Variants in ZNF273 observed in about 807,000 individuals in gnomAD.
ZNF273 encodes zinc finger protein 9.
Under a neutral mutation model 14.9 loss-of-function variants are expected in ZNF273, and 11 were observed. The ratio of observed to expected loss-of-function variants is 0.74; its 90% CI spans 0.46 to 1.22. The LOEUF (loss-of-function observed/expected upper bound fraction) is 1.22, where lower values mean the gene tolerates loss of function less well. Ranked by LOEUF, ZNF273 falls within the 50% of genes most tolerant of loss-of-function variation. ZNF273 has a pLI of 0.00. For missense variants in ZNF273, 577 were observed against 660.6 expected, an observed-to-expected ratio of 0.87 and a Z score of 1.39; for synonymous variants, 199 against 223.9, an observed-to-expected ratio of 0.89 and a Z score of 0.99.
At chr7:64,901,178 T>C (rs1218635685), upstream of ZNF273, among the ~76,000 whole-genome samples, 1 of 152,100 alleles carries the variant, frequency 6.6e-6, no homozygotes, top group African/African-American at 2.4e-5. Context: ...AATTTTTGTA[T>C]TTTTAGTAGA....
downstream of ZNF273, chr7:64,880,066 G>C (rs1269201266): frequency 6.6e-6 from 1 of 152,320 alleles, no homozygotes; most frequent in Non-Finnish European, 1.5e-5. Flanking sequence ...GCGCGGGCTC[G>C]AGTCACAGTG....
upstream of ZNF273, chr7:64,903,146 T>C: frequency 1.8e-6 from 1 of 550,770 alleles, no homozygotes; most frequent in South Asian, 2.1e-5. Flanking sequence ...GCACACCTTC[T>C]GTCATTCAGG....
intron 2 of ZNF273, 89 bp from the exon 3 acceptor site, chr7:64,918,108 C>T (rs1794141197): frequency 1.7e-6 from 2 of 1,205,136 alleles, no homozygotes; most frequent in Non-Finnish European, 2.2e-6. Context: ...TACTAGAATA[C>T]TTAATTACAT....
chr7:64,903,432 G>A lies in ZNF273; in HGVS notation c.102+13G>A. On this transcript the variant is annotated intron_variant, in intron 1 of 3. Transcript: ENST00000476120. ...AAGCCTAGAAATGGTGAGAGTGCCG[G>A]GTCCCAGATCCCGAGAGAGGGGGAG... The A allele has an allele frequency of 6.2e-7, 1 of 1,605,906 alleles. No individual in the cohort carries two copies. Among genetic ancestry groups the A allele is most frequent in the Middle Eastern group, 1.7e-4 (1 of 6,022 alleles).
chr7:64,907,966 C>T (rs548923269), intron 1 of ZNF273, among the ~76,000 whole-genome samples: 3 of 152,202 alleles, frequency 2.0e-5, no homozygotes, highest in Non-Finnish European at 4.4e-5. Flanking sequence ...GTGTCCACAC[C>T]CCTCCCAGGA....
At chr7:64,886,494 G>A (rs1372314363) in intron 1 of ZNF273, among the ~76,000 whole-genome samples, 3 of 152,174 alleles carry the variant, frequency 2.0e-5, no homozygotes, top group African/African-American at 7.2e-5. Flanking sequence ...ACTGACCATC[G>A]CTACATGTTT....
At chr7:64,921,717 C>T (rs979703511) in intron 3 of ZNF273, among the ~76,000 whole-genome samples, 3 of 142,802 alleles carry the variant, frequency 2.1e-5, no homozygotes, top group Admixed American at 7.6e-5. Flanking sequence ...TCTCCGCCTC[C>T]CAGGTTCAAG....
intron 1 of ZNF273, among the ~76,000 whole-genome samples, chr7:64,916,552 A>G (rs554353700): frequency 1.3e-5 from 2 of 150,992 alleles, no homozygotes; most frequent in African/African-American, 2.4e-5. Flanking sequence ...CAAAAAAAAA[A>G]AAAAAAAAAA....
At chr7:64,888,758 A>G in exon 2 of ZNF273, 1 of 985,834 alleles carries the variant, frequency 1.0e-6, no homozygotes, top group Non-Finnish European at 1.2e-6. Context: ...GCAGAGCCGG[A>G]TAGAAACGCT....
At chr7:64,914,182 ATTTTTTT>A (rs375695781) in intron 1 of ZNF273, among the ~76,000 whole-genome samples, 2 of 70,890 alleles carry the variant, frequency 2.8e-5, no homozygotes, top group Non-Finnish European at 5.2e-5. Flanking sequence ...TAATTTTTGT[ATTTTTTT>A]TTTTTTTTTT....
chr7:64,933,051 A>G (rs1795025233), downstream of ZNF273, among the ~76,000 whole-genome samples: 3 of 152,144 alleles, frequency 2.0e-5, no homozygotes. Context: ...GGCTCACTGC[A>G]ACCTTCGCCT....
intron 1 of ZNF273, chr7:64,917,183 TAAC>T: frequency 2.0e-6 from 2 of 1,020,258 alleles, no homozygotes; most frequent in Non-Finnish European, 2.6e-6. Flanking sequence ...AAAATCTGCA[TAAC>T]AAGATCTCCA....
chr7:64,887,500 T>C (rs1791662761), intron 1 of ZNF273, among the ~76,000 whole-genome samples: 1 of 151,328 alleles, frequency 6.6e-6, no homozygotes, highest in African/African-American at 2.5e-5. Flanking sequence ...GTTTTTGTTG[T>C]TGTTTGTTTG....
intron 3 of ZNF273, among the ~76,000 whole-genome samples, chr7:64,925,870 G>C (rs1314686180): frequency 7.3e-6 from 1 of 136,176 alleles, no homozygotes; most frequent in Non-Finnish European, 1.6e-5. Context: ...AAGTTCTAGA[G>C]AATAATTAAA....
intron 3 of ZNF273, among the ~76,000 whole-genome samples, chr7:64,919,437 G>GTTCGAGACCAGTCTTGTCAGGAT (rs1462592552): frequency 2.0e-5 from 3 of 152,018 alleles, no homozygotes; most frequent in African/African-American, 7.3e-5. Context: ...GAGGTCAGGA[G>GTTCGAGACCAGTCTTGTCAGGAT]TTCGAGACCA....
downstream of ZNF273, chr7:64,882,446 G>A (rs2129029772): frequency 6.6e-6 from 1 of 152,374 alleles, no homozygotes; most frequent in East Asian, 1.9e-4. Context: ...TGCTTAGGCG[G>A]GCTGACAGCC....
intron 2 of ZNF273, among the ~76,000 whole-genome samples, chr7:64,878,709 C>T (rs1791179291): frequency 6.6e-6 from 1 of 152,230 alleles, no homozygotes; most frequent in Non-Finnish European, 1.5e-5. Flanking sequence ...GCCGGCTCTT[C>T]CTTTGGACTT....
chr7:64,883,769 C>A (rs969439020), downstream of ZNF273, among the ~76,000 whole-genome samples: 2 of 152,194 alleles, frequency 1.3e-5, no homozygotes, highest in Non-Finnish European at 2.9e-5. Flanking sequence ...CCCCGGCCTC[C>A]TCTTTTCCTG....
At position 64,903,339 on chromosome 7, in the gene ZNF273, C is replaced by T. The variant is rs534715396; in HGVS notation, c.22C>T (p.Pro8Ser). 1 of 1,613,150 alleles carries T rather than the reference C, an allele frequency of 6.2e-7. No homozygotes were observed. MSSAPRG[P>S]PSVAPLPAGI... ...CTCTATGTCCTCTGCTCCTAGAGGT[C>T]CACCTTCTGTGGCCCCGTTACCTGC... The change falls in exon 1 of 4, where the codon CCA becomes TCA. Residue 8 changes from proline (P) to serine (S), a missense_variant. Physicochemically the swap from Pro to Ser is moderately conservative, Grantham distance 74. This residue lies in a region of ZNF273 where 162 missense variants were observed against 203.5 expected (regional missense o/e 0.80). Transcript: ENST00000476120.
Sources: allele counts gnomAD v4.1 joint callset (sites outside exome capture counted in the v4.1 genomes callset), GRCh38; gene constraint gnomAD v4.1.1; regional missense constraint gnomAD v4.1.1; transcripts MANE v1.5; gene names NCBI Gene and HGNC (gene_info 2026-07-23, HGNC 2026-07-21).